PCNX1: variants seen among roughly 807,000 people sequenced by gnomAD.
PCNX1 encodes pecanex-like protein 1.
PCNX1 carries 78 observed loss-of-function variants against 242.2 expected under a neutral mutation model. The observed-to-expected ratio is 0.32, with a 90% CI of 0.27 to 0.39. The LOEUF is 0.39. PCNX1 is among the 10% of genes least tolerant of loss of function. The pLI is 1.00. For synonymous variants in PCNX1, 1,024 were observed against 1,032.9 expected, an observed-to-expected ratio of 0.99 and a Z score of 0.17; for missense variants, 2,581 against 2,856.5, an observed-to-expected ratio of 0.90 and a Z score of 2.20.
chr14:71,070,102 C>CT (rs2061553039), intron 26 of PCNX1, among the ~76,000 whole-genome samples: 1 of 152,172 alleles, frequency 6.6e-6, no homozygotes, highest in Admixed American at 6.6e-5. Context: ...TCTCAAGAAA[C>CT]TGCTTTCTTC....
In PCNX1 at chr14:70,978,200, C is replaced by T. The variant is rs2058737955; in HGVS notation, c.1863C>T (p.Ser621=). The change falls in exon 6 of 36, where the codon AGC becomes AGT. Residue 621 remains serine (S), a synonymous_variant. Coordinates refer to ENST00000304743, the MANE Select transcript of PCNX1 (RefSeq NM_014982.3). ...GTGTTCAGTCTGCTCACCAGTTCAG[C>T]AGTGATAGCTCTTCTAGCACCACTT... ...ASSVQSAHQF[S]SDSSSSTTSH... 6.2e-7 allele frequency: 1 copy of T among 1,613,900 alleles called. No homozygotes were observed. The highest frequency in any genetic ancestry group is 8.5e-7 in the Non-Finnish European group (1 of 1,179,968).
intron 26 of PCNX1, among the ~76,000 whole-genome samples, chr14:71,059,803 ACT>A (rs1206175816): frequency 6.6e-6 from 1 of 152,106 alleles, no homozygotes; most frequent in Non-Finnish European, 1.5e-5. Flanking sequence ...ATCCTATGGT[ACT>A]CTGTGATCTG....
chr14:70,959,665 T>C (rs1186908617), intron 2 of PCNX1, among the ~76,000 whole-genome samples: 1 of 151,214 alleles, frequency 6.6e-6, no homozygotes, highest in Non-Finnish European at 1.5e-5. Context: ...GTCTTTGCTA[T>C]TGTGAATAGT....
chr14:71,033,116 C>T (rs2060435909), intron 16 of PCNX1, among the ~76,000 whole-genome samples: 1 of 152,186 alleles, frequency 6.6e-6, no homozygotes, highest in Non-Finnish European at 1.5e-5. Context: ...CAAACAATAG[C>T]ACTTAAAATG....
chr14:70,946,887 G>T, intron 1 of PCNX1, 28 bp from the exon 2 acceptor site: 2 of 1,384,180 alleles, frequency 1.4e-6, no homozygotes, highest in South Asian at 2.4e-5. Flanking sequence ...ATTTTAAAAT[G>T]TATTTCCTTA....
Position 71,045,192 on chromosome 14 carries a change from T to C in PCNX1, c.3927T>C (p.Tyr1309=). 1 of 1,613,064 alleles carries C rather than the reference T, an allele frequency of 6.2e-7. No homozygotes were observed. The highest frequency in any genetic ancestry group is 8.5e-7 in the Non-Finnish European group (1 of 1,179,062). The change falls in exon 20 of 36, where the codon TAT becomes TAC. Residue 1309 remains tyrosine, a synonymous_variant. Transcript: ENST00000304743. ...LVGFVGFVTH[Y]VLPQVRKQLP... ...GCTTTGTGGGTTTTGTAACCCATTA[T>C]GTGCTGCCTCAAGTTAGAAAACAGC...
chr14:71,006,784 A>G (rs2059681487), intron 8 of PCNX1, among the ~76,000 whole-genome samples: 1 of 152,232 alleles, frequency 6.6e-6, no homozygotes. Context: ...AGGATACATT[A>G]GCACATTAAA....
intron 5 of PCNX1, among the ~76,000 whole-genome samples, chr14:70,975,508 A>G (rs1242373465): frequency 1.3e-5 from 2 of 152,148 alleles, no homozygotes; most frequent in African/African-American, 4.8e-5. Context: ...AACATTTTTA[A>G]TAACTCATTC....
chr14:71,010,014 T>C, intron 9 of PCNX1: 2 of 253,428 alleles, frequency 7.9e-6, no homozygotes, highest in Admixed American at 5.3e-5. Flanking sequence ...GTATACAGTA[T>C]GTTGTTAATT....
intron 33 of PCNX1, among the ~76,000 whole-genome samples, chr14:71,105,849 T>C (rs1053084023): frequency 2.0e-5 from 3 of 148,974 alleles, no homozygotes; most frequent in African/African-American, 4.9e-5. Context: ...CCCAGAAATA[T>C]AATTTTTTTT....
At chr14:70,933,921 A>G (rs1331500954) in intron 1 of PCNX1, among the ~76,000 whole-genome samples, 1 of 152,230 alleles carries the variant, frequency 6.6e-6, no homozygotes, top group Admixed American at 6.5e-5. Flanking sequence ...AGCTACAAGT[A>G]TATTAAGGAA....
intron 8 of PCNX1, among the ~76,000 whole-genome samples, chr14:71,005,370 C>T (rs148508306): frequency 6.6e-6 from 1 of 152,056 alleles, no homozygotes; most frequent in African/African-American, 2.4e-5. Context: ...AAGCCAGGCA[C>T]TGTGGCGTGT....
chr14:71,065,464 T>A (rs2061423527), intron 26 of PCNX1, among the ~76,000 whole-genome samples: 1 of 152,100 alleles, frequency 6.6e-6, no homozygotes, highest in Admixed American at 6.6e-5. Context: ...TTCGATGGGG[T>A]TGTTTGTTTT....
rs1273639097 is a variant in PCNX1 at position 70,907,841 on chromosome 14, C to G, written c.-10C>G. The G allele has an allele frequency of 7.7e-7, 1 of 1,292,660 alleles. No homozygotes were observed. The highest frequency in any genetic ancestry group is 9.8e-7 in the Non-Finnish European group (1 of 1,017,350). 80.1% of individuals were successfully genotyped at this position (1,292,660 alleles called of 1,614,324 possible). On this transcript the variant is annotated 5_prime_UTR_variant, in exon 1 of 36. Coordinates refer to ENST00000304743, the MANE Select transcript of PCNX1 (RefSeq NM_014982.3). The stretch of plus-strand genomic sequence containing the variant: ...GGCGGCGGCGGCGACGGCGGCGGCG[C>G]CGGGTGGGGATGGGGTCGCAGACGC...
chr14:70,966,754 G>A (rs1229181739), intron 3 of PCNX1, among the ~76,000 whole-genome samples: 3 of 152,150 alleles, frequency 2.0e-5, no homozygotes, highest in Non-Finnish European at 4.4e-5. Context: ...TAAATTCCTA[G>A]ATGGGTATGC....
chr14:71,038,627 C>A (rs1165288952), intron 19 of PCNX1, among the ~76,000 whole-genome samples: 2 of 150,796 alleles, frequency 1.3e-5, no homozygotes, highest in Non-Finnish European at 3.0e-5. Context: ...GTTGGTGGGA[C>A]TGTAAACTAG....
chr14:70,907,907 G>C lies in PCNX1; in HGVS notation c.57G>C (p.Gly19=), dbSNP rs765077137. 1.3e-6 allele frequency: 2 copies of C among 1,580,956 alleles called. No individual in the cohort carries two copies. Among genetic ancestry groups the C allele is most frequent in the Non-Finnish European group, 1.7e-6 (2 of 1,166,730 alleles). Residue 19 remains glycine (G), a synonymous_variant, in exon 1 of 36, where the codon GGG becomes GGC. Transcript: ENST00000304743. The part of the protein sequence containing the change: ...LRQGVWAALS[G]GWYYDPHQAT... ...AGGGGGTGTGGGCCGCGCTCAGCGG[G>C]GGCTGGTACTACGACCCGCACCAGG...
At chr14:71,096,570 C>G (rs2062287874) in intron 30 of PCNX1, among the ~76,000 whole-genome samples, 1 of 152,138 alleles carries the variant, frequency 6.6e-6, no homozygotes, top group South Asian at 2.1e-4. Flanking sequence ...AGATGGCATT[C>G]CTTTCCTAAT....
At chr14:71,061,151 A>G (rs2061316448) in intron 26 of PCNX1, among the ~76,000 whole-genome samples, 2 of 152,202 alleles carry the variant, frequency 1.3e-5, no homozygotes, top group African/African-American at 2.4e-5. Context: ...CCAGGTTTCA[A>G]GTTATTAAGG....
Sources: allele counts gnomAD v4.1 joint callset (sites outside exome capture counted in the v4.1 genomes callset), GRCh38; gene constraint gnomAD v4.1.1; transcripts MANE v1.5; gene names NCBI Gene and HGNC (gene_info 2026-07-23, HGNC 2026-07-21).